Variants in DAAM2 observed in about 807,000 individuals in gnomAD.
DAAM2 encodes the protein disheveled-associated activator of morphogenesis 2.
A neutral mutation model predicts 120.7 loss-of-function variants in DAAM2; 39 were observed. The observed-to-expected ratio is 0.32, with a 90% CI of 0.25 to 0.42. The LOEUF (loss-of-function observed/expected upper bound fraction) is 0.42. Among genes scored for constraint, DAAM2 ranks in the 10% least tolerant of loss-of-function variants. The pLI, the probability that DAAM2 is intolerant of heterozygous loss-of-function variation, is 1.00. For synonymous variants in DAAM2, 488 were observed against 524.9 expected (o/e 0.93, Z 0.96); for missense variants, 1,283 against 1,401.7 (o/e 0.92, Z 1.35).
Position 39,879,326 on chromosome 6 carries a change from C to A in DAAM2, c.1694C>A (p.Pro565His). 6.3e-7 allele frequency: 1 copy of A among 1,595,848 alleles called. No homozygotes were observed. The highest frequency in any genetic ancestry group is 8.6e-7 in the Non-Finnish European group (1 of 1,166,968). Reference protein sequence around the residue: ...PPPPPLPPGGPPTPPGAPPCL... With the variant: ...PPPPPLPPGGHPTPPGAPPCL... ...CCACCACCCCTTCCTCCCGGGGGAC[C>A]CCCGACTCCCCCAGGTGCCCCACCT... The change falls in exon 14 of 25, where the codon CCC becomes CAC. Residue 565 changes from proline to histidine, a missense_variant. Transcript: ENST00000274867.
chr6:39,873,559 A>G (rs1764751116), intron 10 of DAAM2, among the ~76,000 whole-genome samples: 1 of 152,196 alleles, frequency 6.6e-6, no homozygotes, highest in African/African-American at 2.4e-5. Context: ...CATCTGGGGA[A>G]GGAGCTGGGG....
intron 5 of DAAM2, among the ~76,000 whole-genome samples, chr6:39,865,705 A>C (rs1364901876): frequency 1.3e-5 from 2 of 152,216 alleles, no homozygotes; most frequent in Non-Finnish European, 2.9e-5. Context: ...TGAGTGTCAA[A>C]TTTTCAGCAA....
At chr6:39,888,551 G>C in intron 16 of DAAM2, 128 bp from the exon 17 acceptor site, 1 of 649,752 alleles carries the variant, frequency 1.5e-6, no homozygotes, top group Non-Finnish European at 2.6e-6. Context: ...CTTTGTAGAG[G>C]AGGTGAGGGG....
In DAAM2 at chr6:39,879,483, C is replaced by A. The variant is rs779400064; in HGVS notation, c.1845+6C>A. 12 of 1,613,896 alleles carry A rather than the reference C, an allele frequency of 7.4e-6. No homozygotes were observed. The Admixed American group carries it at 1.5e-4, about 20-fold the overall frequency. ...ACTGGGTGAAGCTGAATGAGGTGAG[C>A]ATCTGGGAAGGGGCTGGAGGGCCCA... On this transcript the variant is annotated splice_donor_region_variant and intron_variant, in intron 14 of 24. Transcript: ENST00000274867.
intron 1 of DAAM2, among the ~76,000 whole-genome samples, chr6:39,836,392 C>G (rs2084960882): frequency 6.6e-6 from 1 of 152,212 alleles, no homozygotes; most frequent in Non-Finnish European, 1.5e-5. Context: ...TGCTATGGCC[C>G]TGCACCACCC....
intron 13 of DAAM2, 26 bp from the exon 14 acceptor site, chr6:39,879,152 C>T: frequency 1.3e-6 from 2 of 1,490,956 alleles, no homozygotes; most frequent in South Asian, 2.6e-5. Flanking sequence ...TGGCTTTGTC[C>T]TTGCAATTTT....
rs577485054 is a variant in DAAM2 at position 39,869,656 on chromosome 6, G to A, written c.874-684G>A. Among the ~76,000 whole-genome samples the A allele has an allele frequency of 4.6e-5, 7 of 151,714 alleles. No individual in the cohort carries two copies. In the South Asian group the frequency reaches 1.5e-3, roughly 32 times the overall value. On this transcript the variant is annotated intron_variant, in intron 7 of 24. Coordinates refer to ENST00000274867, the MANE Select transcript of DAAM2 (RefSeq NM_001201427.2). ...AGCAGGTGAACGTTCCAAATTCTAA[G>A]GCAATCAGATGCCCTGGTCAAGGTT...
chr6:39,816,413 G>C (rs57049399), intron 1 of DAAM2, among the ~76,000 whole-genome samples: 7 of 151,734 alleles, frequency 4.6e-5, no homozygotes, highest in Non-Finnish European at 8.8e-5. Context: ...TCTTGGTTGT[G>C]GGGGGGCTAT....
At chr6:39,807,347 A>C (rs1332836046) in intron 1 of DAAM2, among the ~76,000 whole-genome samples, 1 of 152,244 alleles carries the variant, frequency 6.6e-6, no homozygotes, top group Non-Finnish European at 1.5e-5. Context: ...TTTTATTTAC[A>C]AACATTTATA....
intron 1 of DAAM2, among the ~76,000 whole-genome samples, chr6:39,832,555 A>C (rs1762955095): frequency 6.6e-6 from 1 of 152,032 alleles, no homozygotes; most frequent in South Asian, 2.1e-4. Context: ...GATAATTTTC[A>C]ATGAAAAACT....
chr6:39,806,466 G>A (rs1762012312), intron 1 of DAAM2, among the ~76,000 whole-genome samples: 1 of 152,120 alleles, frequency 6.6e-6, no homozygotes, highest in African/African-American at 2.4e-5. Flanking sequence ...ATTCAGAGCT[G>A]CTCCTAGACA....
At chr6:39,838,658 T>G (rs1205877506) in intron 1 of DAAM2, among the ~76,000 whole-genome samples, 1 of 152,166 alleles carries the variant, frequency 6.6e-6, no homozygotes, top group African/African-American at 2.4e-5. Context: ...ACTTTCTTTT[T>G]TCTTTTTCTT....
intron 15 of DAAM2, 136 bp downstream of exon 15, chr6:39,884,205 C>A: frequency 1.6e-6 from 1 of 611,246 alleles, no homozygotes. Context: ...CCTTCCCTTC[C>A]TTCTTTCCTT....
Position 39,867,707 on chromosome 6 carries a change from G to A in DAAM2, c.626G>A (p.Arg209His), listed in dbSNP as rs762963954. Residue 209 changes from arginine to histidine, a missense_variant, in exon 6 of 25, where the codon CGC becomes CAC. Arg to His is a conservative substitution (Grantham distance 29). This residue lies in a region of DAAM2 where 338 missense variants were observed against 443.9 expected (regional missense o/e 0.76). Transcript: ENST00000274867. Reference protein sequence around the residue: ...EAISTIAQSLRTENSKTKVAV... With the variant: ...EAISTIAQSLHTENSKTKVAV... ...ATTAGTACCATAGCCCAGAGCCTACGCACAGAGAACAGCAAGACCAAGGTG... is the reference window on the plus strand; with the variant it reads ...ATTAGTACCATAGCCCAGAGCCTACACACAGAGAACAGCAAGACCAAGGTG... 19 of 1,614,048 alleles carry A rather than the reference G, an allele frequency of 1.2e-5. No homozygotes were observed. Among genetic ancestry groups the A allele is most frequent in the South Asian group, 6.6e-5 (6 of 91,084 alleles).
chr6:39,821,435 T>G (rs1424573009), intron 1 of DAAM2: 1 of 152,272 alleles, frequency 6.6e-6, no homozygotes, highest in Non-Finnish European at 1.5e-5. Context: ...GAGCTCAGGA[T>G]TCCTAAAAAG....
chr6:39,861,514 C>T (rs1336748116), intron 3 of DAAM2: 1 of 259,788 alleles, frequency 3.8e-6, no homozygotes, highest in East Asian at 8.6e-5. Flanking sequence ...TAGCCTCCTG[C>T]TATGGCCCTC....
chr6:39,878,518 G>C lies in DAAM2; in HGVS notation c.1475G>C (p.Arg492Pro). 6.2e-7 allele frequency: 1 copy of C among 1,610,064 alleles called. No individual in the cohort carries two copies. Among genetic ancestry groups the C allele is most frequent in the Non-Finnish European group, 8.5e-7 (1 of 1,178,246 alleles). The change falls in exon 13 of 25, where the codon CGG becomes CCG. Residue 492 changes from arginine (R) to proline (P), a missense_variant. Coordinates refer to ENST00000274867, the MANE Select transcript of DAAM2 (RefSeq NM_001201427.2). The surrounding 1 kb of genome is among the most constrained non-coding windows in gnomAD (Gnocchi z 5.0). Reference protein sequence around the residue: ...TLNKMKDKLARESQELRQARG... With the variant: ...TLNKMKDKLAPESQELRQARG... ...AACAAAATGAAGGACAAGCTGGCCC[G>C]GGAGTCCCAGGAGCTGCGCCAGGCT...
intron 6 of DAAM2, chr6:39,868,421 G>A (rs1435746748): frequency 8.7e-6 from 2 of 228,978 alleles, no homozygotes; most frequent in African/African-American, 4.5e-5. Context: ...CAAACCCCAT[G>A]GTTTATTGCC....
intron 1 of DAAM2, chr6:39,819,173 C>G (rs553747044): frequency 4.9e-4 from 74 of 152,356 alleles, no homozygotes; most frequent in African/African-American, 1.6e-3. Context: ...ACCATCATCT[C>G]TATGCCCACT....
Sources: gnomAD v4.1 joint callset for allele counts (sites outside exome capture counted in the v4.1 genomes callset) on GRCh38, gnomAD v4.1.1 for gene constraint, gnomAD v4.1.1 regional missense constraint, Gnocchi (gnomAD v3.1) non-coding constraint, MANE v1.5 for transcripts, NCBI Gene and HGNC (gene_info 2026-07-23, HGNC 2026-07-21) for gene names.